Variants in RYR1 observed in about 807,000 individuals in gnomAD.
RYR1 encodes the protein central core disease of muscle.
Under a neutral mutation model 583.5 loss-of-function variants are expected in RYR1, and 342 were observed. The ratio of observed to expected loss-of-function variants is 0.59; its 90% CI spans 0.54 to 0.64. RYR1 has a LOEUF of 0.64. Among genes scored for constraint, RYR1 ranks in the 30% least tolerant of loss-of-function variants. RYR1 has a pLI of 0.00. For missense variants in RYR1, 6,032 were observed against 6,917.2 expected (o/e 0.87, Z 4.54); for synonymous variants, 2,791 against 2,822.5 (o/e 0.99, Z 0.35).
intron 79 of RYR1, 131 bp from the exon 80 acceptor site, chr19:38,535,010 C>T: frequency 2.8e-6 from 3 of 1,053,314 alleles, no homozygotes; most frequent in Non-Finnish European, 4.3e-6. Context: ...ATCACGATCA[C>T]CCCTGCATGC....
In RYR1 at chr19:38,448,676, G is replaced by A. The variant is rs1966919745; in HGVS notation, c.985G>A (p.Asp329Asn). 30 of 1,614,262 alleles carry A rather than the reference G, an allele frequency of 1.9e-5. No individual in the cohort carries two copies. The highest frequency in any genetic ancestry group is 2.5e-5 in the Non-Finnish European group (29 of 1,180,050). The change falls in exon 11 of 106, where the codon GAT (aspartate) becomes AAT (asparagine). Residue 329 changes from aspartate (D) to asparagine (N), a missense_variant. Physicochemically the swap from Asp to Asn is conservative, Grantham distance 23. Around this residue, in one of 11 missense-constraint regions of RYR1, gnomAD observed 338 missense variants for 441.6 expected, o/e 0.77. Transcript: ENST00000359596. The stretch of plus-strand genomic sequence containing the variant: ...GAAGCTGGATGTGGCCCCCAAGCGG[G>A]ATGTGGAGGGCATGGGCCCCCCTGA... ...KEKLDVAPKRDVEGMGPPEIK... is the reference protein window; with the variant it reads ...KEKLDVAPKRNVEGMGPPEIK...
rs1293411244 is a variant in RYR1, at chr19:38,517,632, T to C, written c.9959T>C (p.Leu3320Pro). The C allele has an allele frequency of 1.2e-6, 2 of 1,614,110 alleles. No individual in the cohort carries two copies. Among genetic ancestry groups the C allele is most frequent in the Non-Finnish European group, 1.7e-6 (2 of 1,180,006 alleles). Residue 3320 changes from leucine to proline, a missense_variant, in exon 66 of 106, where the codon CTG (leucine) becomes CCG (proline). This residue lies in a region of RYR1 where 1,493 missense variants were observed against 1,715.5 expected (regional missense o/e 0.87). Transcript: ENST00000359596. Reference sequence around the variant, plus strand: ...CTCAACTCCCTGCTGGGGAATATCCTGAGAATCATCGTCAACAACCTGGGC... The same window carrying C: ...CTCAACTCCCTGCTGGGGAATATCCCGAGAATCATCGTCAACAACCTGGGC... Reference protein sequence around the residue: ...DHLNSLLGNILRIIVNNLGID... With the variant: ...DHLNSLLGNIPRIIVNNLGID...
At chr19:38,493,735 G>C (rs1161955591) in intron 38 of RYR1, among the ~76,000 whole-genome samples, 2 of 151,942 alleles carry the variant, frequency 1.3e-5, no homozygotes, top group Non-Finnish European at 2.9e-5. Context: ...GGCCAGGCTG[G>C]TCTCAAACTC....
At chr19:38,560,842 G>T (rs1347036532) in intron 89 of RYR1, among the ~76,000 whole-genome samples, 2 of 151,346 alleles carry the variant, frequency 1.3e-5, no homozygotes, top group African/African-American at 2.4e-5. Flanking sequence ...AACATAGGGA[G>T]ACCTTATCTC....
Position 38,499,890 on chromosome 19 carries a change from C to T in RYR1, c.7215-18C>T. ...CTGGCCCCTGGCTGCCTCCCCAACC[C>T]ACCCACCTTCCCTGCAGCTTTGGTG... On this transcript the variant is annotated intron_variant, in intron 44 of 105. Coordinates refer to ENST00000359596, the MANE Select transcript of RYR1 (RefSeq NM_000540.3). The surrounding 1 kb of genome is among the most constrained non-coding windows in gnomAD (Gnocchi z 7.3). The T allele has an allele frequency of 1.2e-6, 2 of 1,613,786 alleles. No individual in the cohort carries two copies. The highest frequency in any genetic ancestry group is 1.7e-6 in the Non-Finnish European group (2 of 1,179,826).
intron 94 of RYR1, among the ~76,000 whole-genome samples, chr19:38,571,422 T>A (rs1049822282): frequency 6.6e-6 from 1 of 151,976 alleles, no homozygotes; most frequent in African/African-American, 2.4e-5. Context: ...TTACCTGAAG[T>A]CCGGAATTCA....
intron 92 of RYR1, 148 bp from the exon 93 acceptor site, chr19:38,567,625 G>C: frequency 8.8e-7 from 1 of 1,137,962 alleles, no homozygotes; most frequent in South Asian, 1.4e-5. Context: ...ATAAGGGCAA[G>C]TCCTGATTAT....
chr19:38,501,055 G>A (rs1049118603), intron 47 of RYR1, 65 bp downstream of exon 47: 10 of 1,518,724 alleles, frequency 6.6e-6, no homozygotes, highest in African/African-American at 2.7e-5. Flanking sequence ...GATGGGTCAC[G>A]GTAGAGCAGC....
In RYR1 at chr19:38,506,296, C is replaced by A; in HGVS notation, c.8542-7C>A. The stretch of plus-strand genomic sequence containing the variant: ...GCCCACCTCCCATCTTCCCCTTGTC[C>A]TCTCAGACCTATGATCCTCGAGAAG... On this transcript the variant is annotated splice_polypyrimidine_tract_variant and splice_region_variant and intron_variant, in intron 54 of 105. Transcript: ENST00000359596. The A allele has an allele frequency of 6.2e-7, 1 of 1,613,958 alleles. No individual in the cohort carries two copies. The highest frequency in any genetic ancestry group is 8.5e-7 in the Non-Finnish European group (1 of 1,179,950).
At chr19:38,536,598 C>A in intron 82 of RYR1, 152 bp from the exon 83 acceptor site, 2 of 871,890 alleles carry the variant, frequency 2.3e-6, no homozygotes, top group Non-Finnish European at 3.8e-6. Context: ...CTCCTTATCA[C>A]TCTGCCTTTC....
chr19:38,506,461 C>G lies in RYR1; in HGVS notation c.8617-10C>G. 1 of 1,614,066 alleles carries G rather than the reference C, an allele frequency of 6.2e-7. No homozygotes were observed. Among genetic ancestry groups the G allele is most frequent in the African/African-American group, 1.3e-5 (1 of 74,998 alleles). On this transcript the variant is annotated splice_polypyrimidine_tract_variant and intron_variant, in intron 55 of 105. Coordinates refer to ENST00000359596, the MANE Select transcript of RYR1 (RefSeq NM_000540.3). ...CTGAATCTAGCCCTTGACTCTGCAT[C>G]CACTCCCAGGCCATGGCAGAACAAC...
At chr19:38,457,873 T>C (rs961116611) in intron 17 of RYR1, among the ~76,000 whole-genome samples, 178 bp from the exon 18 acceptor site, 4 of 152,022 alleles carry the variant, frequency 2.6e-5, no homozygotes, top group Non-Finnish European at 5.9e-5. Flanking sequence ...TCTCTCTCTG[T>C]TTTCTCTTTT....
In RYR1 at chr19:38,543,443, C is replaced by T. The variant is rs921454906; in HGVS notation, c.11778+8C>T. On this transcript the variant is annotated splice_region_variant and intron_variant, in intron 85 of 105. Transcript: ENST00000359596. This position sits in a 1 kb window ranked among gnomAD's most constrained non-coding sequence, Gnocchi z 4.4. ...TACCTCCTGCGGCTGCAGGTGAGGA[C>T]GTGAGACGGTTCAGGTGTGACTTGG... The T allele has an allele frequency of 6.2e-7, 1 of 1,614,220 alleles. No homozygotes were observed. The highest frequency in any genetic ancestry group is 8.5e-7 in the Non-Finnish European group (1 of 1,180,030).
chr19:38,506,417 T>C (rs1230545306), intron 55 of RYR1, 40 bp downstream of exon 55: 1 of 1,613,558 alleles, frequency 6.2e-7, no homozygotes, highest in South Asian at 1.1e-5. Context: ...TAGGGTGTCT[T>C]TGGGGGGGCT....
At position 38,444,023 on chromosome 19, in the gene RYR1, T is replaced by C. The variant is rs1972821010; in HGVS notation, c.425-126T>C. On this transcript the variant is annotated intron_variant, in intron 5 of 105. Transcript: ENST00000359596. This position sits in a 1 kb window ranked among gnomAD's most constrained non-coding sequence, Gnocchi z 5.1. ...GAACGGGGAACTGTTAGGCAGAGAG[T>C]TGGTGGCAGTGATAGGAGAGTTGTG... 1 of 870,568 alleles carries C rather than the reference T, an allele frequency of 1.1e-6. No individual in the cohort carries two copies. The highest frequency in any genetic ancestry group is 1.7e-5 in the African/African-American group (1 of 60,000). 53.9% of individuals were successfully genotyped at this position (870,568 alleles called of 1,614,324 possible).
chr19:38,537,117 C>G lies in RYR1; in HGVS notation c.11608+350C>G, dbSNP rs1320337938. ...ATTCGCAGTCCCGGTGTGGAGTGAT[C>G]CCCACTCCCACCTACTCTGCTCTCT... On this transcript the variant is annotated intron_variant, in intron 83 of 105. Coordinates refer to ENST00000359596, the MANE Select transcript of RYR1 (RefSeq NM_000540.3). 1.4e-5 allele frequency: 6 copies of G among 416,262 alleles called. No homozygotes were observed. In the East Asian group the frequency reaches 2.9e-4, roughly 20 times the overall value. 25.8% of individuals were successfully genotyped at this position (416,262 alleles called of 1,614,324 possible).
chr19:38,458,345 T>G, intron 18 of RYR1, 53 bp downstream of exon 18: 1 of 1,575,294 alleles, frequency 6.3e-7, no homozygotes, highest in South Asian at 1.1e-5. Context: ...CCCCAGCATT[T>G]CTAAGTCTCT....
Position 38,499,347 on chromosome 19 carries a change from CA to C in RYR1, c.7027+105del. On this transcript the variant is annotated intron_variant, in intron 43 of 105. Coordinates refer to ENST00000359596, the MANE Select transcript of RYR1 (RefSeq NM_000540.3). This position sits in a 1 kb window ranked among gnomAD's most constrained non-coding sequence, Gnocchi z 7.3. The stretch of plus-strand genomic sequence containing the variant: ...CCCTGAGCCACAGATGGGGTCCAGG[CA>C]GGAATCCCTTCCAGCAGGCCTGGGG... The C allele has an allele frequency of 6.4e-7, 1 of 1,563,318 alleles. No individual in the cohort carries two copies. The highest frequency in any genetic ancestry group is 8.8e-7 in the Non-Finnish European group (1 of 1,137,490).
intron 65 of RYR1, 65 bp downstream of exon 65, chr19:38,516,282 G>A (rs1278762313): frequency 1.3e-6 from 2 of 1,525,282 alleles, no homozygotes; most frequent in Middle Eastern, 1.7e-4. Context: ...GCCTTGGGGA[G>A]ACCCTAATTT....
Sources: gnomAD v4.1 joint callset for allele counts (sites outside exome capture counted in the v4.1 genomes callset) on GRCh38, gnomAD v4.1.1 for gene constraint, gnomAD v4.1.1 regional missense constraint, Gnocchi (gnomAD v3.1) non-coding constraint, MANE v1.5 for transcripts, NCBI Gene and HGNC (gene_info 2026-07-23, HGNC 2026-07-21) for gene names.